Variants in SH3PXD2B observed in about 807,000 individuals in gnomAD.
The protein encoded by SH3PXD2B is SH3 and PX domain-containing protein 2B.
A neutral mutation model predicts 73.1 loss-of-function variants in SH3PXD2B; 37 were observed. The observed-to-expected ratio is 0.51, with a 90% confidence interval of 0.39 to 0.67. SH3PXD2B has a LOEUF of 0.67. Among genes scored for constraint, SH3PXD2B ranks in the 30% least tolerant of loss-of-function variants. SH3PXD2B has a pLI of 0.00. For synonymous variants in SH3PXD2B, 457 were observed against 480.5 expected, an observed-to-expected ratio of 0.95 and a Z score of 0.64; for missense variants, 1,053 against 1,197.8, an observed-to-expected ratio of 0.88 and a Z score of 1.78.
chr5:172,341,912 C>T (rs1162192031), intron 12 of SH3PXD2B, among the ~76,000 whole-genome samples: 1 of 152,130 alleles, frequency 6.6e-6, no homozygotes, highest in Non-Finnish European at 1.5e-5. Context: ...CCATCTCGGC[C>T]TCCCAAAGTG....
In SH3PXD2B at chr5:172,334,124, T is replaced by TAAGG; in HGVS notation, c.*4244_*4245insCCTT. The TAAGG allele has an allele frequency of 9.0e-7, 1 of 1,111,994 alleles. No individual in the cohort carries two copies. Among genetic ancestry groups the TAAGG allele is most frequent in the Non-Finnish European group, 1.1e-6 (1 of 907,778 alleles). 68.9% of individuals were successfully genotyped at this position (1,111,994 alleles called of 1,614,324 possible). A position where few individuals can be genotyped will look rare whatever the true frequency, so the allele number is the denominator to read the frequency against. On this transcript the variant is annotated 3_prime_UTR_variant, in exon 13 of 13. Transcript: ENST00000311601. Reference sequence around the variant, plus strand: ...GGAGCTAAGAAGGCTTACTTTGGAGTCGAGGATAGAAACGGGAAGATGGAA... The same window carrying TAAGG: ...GGAGCTAAGAAGGCTTACTTTGGAGTAAGGCGAGGATAGAAACGGGAAGATGGAA...
intron 1 of SH3PXD2B, among the ~76,000 whole-genome samples, chr5:172,446,165 C>T (rs1035491402): frequency 2.0e-5 from 3 of 152,198 alleles, no homozygotes; most frequent in Non-Finnish European, 2.9e-5. Flanking sequence ...AGGCCAGCAG[C>T]ACCCCTCCTC....
intron 3 of SH3PXD2B, among the ~76,000 whole-genome samples, chr5:172,401,624 C>T (rs188129233): frequency 2.6e-4 from 39 of 152,270 alleles, no homozygotes; most frequent in Admixed American, 8.5e-4. Context: ...AAGTCAGGGA[C>T]CCCGAACGAA....
chr5:172,426,197 C>T (rs529588102), intron 1 of SH3PXD2B, among the ~76,000 whole-genome samples: 1 of 152,160 alleles, frequency 6.6e-6, no homozygotes, highest in Non-Finnish European at 1.5e-5. Flanking sequence ...TGGAATCAAC[C>T]CCTGAACACA....
chr5:172,429,097 T>G (rs1310349212), intron 1 of SH3PXD2B, among the ~76,000 whole-genome samples: 1 of 152,236 alleles, frequency 6.6e-6, no homozygotes, highest in African/African-American at 2.4e-5. Flanking sequence ...AATGGACTGC[T>G]GTATGCCCAG....
At chr5:172,424,671 C>T (rs1259352849) in intron 1 of SH3PXD2B, among the ~76,000 whole-genome samples, 2 of 152,270 alleles carry the variant, frequency 1.3e-5, no homozygotes, top group East Asian at 3.9e-4. Context: ...CCTCATCAAA[C>T]CCAACACAGA....
At position 172,342,884 on chromosome 5, in the gene SH3PXD2B, C is replaced by T. The variant is rs192385478; in HGVS notation, c.1189-2968G>A. On this transcript the variant is annotated intron_variant, in intron 12 of 12. Transcript: ENST00000311601. ...AGAGGGATGGCAGCCACAGACTCAG[C>T]GCCAGGACGCAAATGCTGGGCTCCT... Among the ~76,000 whole-genome samples the T allele has an allele frequency of 2.6e-3, 392 of 152,298 alleles. 3 individuals are homozygous for T. Among genetic ancestry groups the T allele is most frequent in the African/African-American group, 8.8e-3 (365 of 41,554 alleles).
chr5:172,354,592 G>C (rs556016019), intron 8 of SH3PXD2B, among the ~76,000 whole-genome samples: 1 of 152,194 alleles, frequency 6.6e-6, no homozygotes, highest in Non-Finnish European at 1.5e-5. Context: ...AGGTTAAGCT[G>C]TCTGTGGCTC....
chr5:172,441,512 A>G (rs1759549829), intron 1 of SH3PXD2B, among the ~76,000 whole-genome samples: 1 of 152,194 alleles, frequency 6.6e-6, no homozygotes, highest in African/African-American at 2.4e-5. Context: ...CTGGGCATTT[A>G]TTCTAGGCCA....
At chr5:172,368,744 A>AAT (rs1207337035) in intron 6 of SH3PXD2B, among the ~76,000 whole-genome samples, 13 of 100,976 alleles carry the variant, frequency 1.3e-4, no homozygotes, top group Middle Eastern at 4.3e-3. Context: ...TAATATATGT[A>AAT]ATATATATAT....
chr5:172,350,692 C>T (rs1482523486), intron 9 of SH3PXD2B, 103 bp from the exon 10 acceptor site: 30 of 1,205,956 alleles, frequency 2.5e-5, no homozygotes, highest in Non-Finnish European at 3.1e-5. Flanking sequence ...GGAGCAGGAA[C>T]GACGGGTTGT....
At chr5:172,440,466 G>A (rs115757173) in intron 1 of SH3PXD2B, among the ~76,000 whole-genome samples, 227 of 152,254 alleles carry the variant, frequency 1.5e-3, no homozygotes, top group African/African-American at 5.0e-3. Flanking sequence ...TTTAACGAGC[G>A]GGCAGGAGAG....
At chr5:172,347,135 T>G (rs1423749963) in intron 11 of SH3PXD2B, 148 bp downstream of exon 11, 1 of 794,492 alleles carries the variant, frequency 1.3e-6, no homozygotes, top group East Asian at 2.7e-5. Flanking sequence ...CGAGTGGGAC[T>G]AGCATTTCTA....
intron 12 of SH3PXD2B, among the ~76,000 whole-genome samples, chr5:172,345,346 C>T (rs896399777): frequency 3.3e-5 from 5 of 152,072 alleles, no homozygotes; most frequent in African/African-American, 9.7e-5. Flanking sequence ...GAAAAGCAGC[C>T]GCCACACACA....
intron 1 of SH3PXD2B, among the ~76,000 whole-genome samples, chr5:172,429,788 C>T (rs999256043): frequency 6.6e-6 from 1 of 152,174 alleles, no homozygotes; most frequent in African/African-American, 2.4e-5. Flanking sequence ...TACAGTTGCA[C>T]AGCTATGACG....
At chr5:172,362,216 G>A (rs1757418395) in intron 7 of SH3PXD2B, among the ~76,000 whole-genome samples, 1 of 150,332 alleles carries the variant, frequency 6.7e-6, no homozygotes, top group Non-Finnish European at 1.5e-5. Flanking sequence ...TGAAGGCACT[G>A]AACCACTGTG....
intron 5 of SH3PXD2B, 23 bp downstream of exon 5, chr5:172,382,013 G>C (rs759675181): frequency 6.3e-7 from 1 of 1,584,992 alleles, no homozygotes; most frequent in African/African-American, 1.3e-5. Flanking sequence ...GCTCCATCTG[G>C]GGAAGCCCAC....
At chr5:172,430,936 G>A (rs924761228) in intron 1 of SH3PXD2B, among the ~76,000 whole-genome samples, 2 of 151,746 alleles carry the variant, frequency 1.3e-5, no homozygotes, top group Non-Finnish European at 2.9e-5. Context: ...GTGCGATCTC[G>A]GCTCAACGCA....
In SH3PXD2B at chr5:172,391,140, T is replaced by C. The variant is rs190690548; in HGVS notation, c.309+3423A>G. Among the ~76,000 whole-genome samples, 5 of 152,262 alleles carry C rather than the reference T, an allele frequency of 3.3e-5. No individual in the cohort carries two copies. In the East Asian group the frequency reaches 7.7e-4, roughly 24 times the overall value. ...ACAGCCGTGAGCCACCACGCCCGGC[T>C]TGCAGCTTCCTATCTTAAGGGCTCC... On this transcript the variant is annotated intron_variant, in intron 4 of 12. Coordinates refer to ENST00000311601, the MANE Select transcript of SH3PXD2B (RefSeq NM_001017995.3).
Sources: allele counts gnomAD v4.1 joint callset (sites outside exome capture counted in the v4.1 genomes callset), GRCh38; gene constraint gnomAD v4.1.1; transcripts MANE v1.5; gene names NCBI Gene and HGNC (gene_info 2026-07-23, HGNC 2026-07-21).